Variants in MYO9A observed in about 807,000 individuals in gnomAD.
The protein encoded by MYO9A is unconventional myosin-IXa.
In MYO9A, 103 loss-of-function variants were observed where a neutral mutation model predicts 293.3. That is an observed-to-expected ratio of 0.35 (90% CI 0.30 to 0.41). MYO9A has a LOEUF of 0.41. Ranked by LOEUF, MYO9A falls within the 10% of genes least tolerant of loss-of-function variation. MYO9A has a pLI of 1.00. For synonymous variants in MYO9A, 1,001 were observed against 1,035.7 expected (o/e 0.97, Z 0.64); for missense variants, 2,685 against 3,033.0 (o/e 0.89, Z 2.69).
intron 1 of MYO9A, among the ~76,000 whole-genome samples, chr15:72,088,924 C>G (rs2150552259): frequency 6.6e-6 from 1 of 152,296 alleles, no homozygotes; most frequent in Non-Finnish European, 1.5e-5. Flanking sequence ...CATTTATCCA[C>G]AGTCATCCAG....
At chr15:72,032,462 A>G in intron 3 of MYO9A, 32 bp downstream of exon 3, 1 of 1,382,918 alleles carries the variant, frequency 7.2e-7, no homozygotes, top group South Asian at 1.4e-5. Context: ...AACATGCTCC[A>G]AAGCCTACGC....
intron 21 of MYO9A, among the ~76,000 whole-genome samples, chr15:71,903,393 C>T (rs2057540356): frequency 6.6e-6 from 1 of 152,010 alleles, no homozygotes; most frequent in Non-Finnish European, 1.5e-5. Flanking sequence ...AAAAAGCAAA[C>T]GTGGCAGGAT....
intron 11 of MYO9A, 29 bp from the exon 12 acceptor site, chr15:71,978,321 T>C: frequency 6.4e-7 from 1 of 1,574,372 alleles, no homozygotes; most frequent in Non-Finnish European, 8.6e-7. Context: ...AAAATAACAA[T>C]TTATTCATCT....
chr15:71,898,588 T>C lies in MYO9A; in HGVS notation c.3915A>G (p.Arg1305=), dbSNP rs1026774806. 3.7e-6 allele frequency: 6 copies of C among 1,614,004 alleles called. No homozygotes were observed. Among genetic ancestry groups the C allele is most frequent in the African/African-American group, 1.3e-5 (1 of 74,924 alleles). The part of the protein sequence containing the change: ...LGGISPSEDR[R]WSTELVPEGL... ...CTTCAGGCACCAATTCTGTAGACCA[T>C]CTGCGATCCTCTGAAGGAGAAATAC... The change falls in exon 25 of 42, where the codon AGA becomes AGG. Residue 1305 remains arginine, a synonymous_variant. Transcript: ENST00000356056.
intron 12 of MYO9A, among the ~76,000 whole-genome samples, chr15:71,974,095 C>T (rs976699004): frequency 2.6e-5 from 4 of 151,674 alleles, no homozygotes; most frequent in Non-Finnish European, 5.9e-5. Flanking sequence ...GCTCAGAGTG[C>T]CATTTAAAAA....
At chr15:71,950,554 C>T (rs1172198958) in intron 15 of MYO9A, among the ~76,000 whole-genome samples, 1 of 152,240 alleles carries the variant, frequency 6.6e-6, no homozygotes, top group African/African-American at 2.4e-5. Flanking sequence ...GGATTTGTTA[C>T]ATTCCTCTTA....
chr15:72,024,966 A>T (rs1484807214), intron 4 of MYO9A, among the ~76,000 whole-genome samples: 3 of 152,208 alleles, frequency 2.0e-5, no homozygotes, highest in African/African-American at 7.2e-5. Context: ...AAATGGTATT[A>T]ATAATCCTAC....
At chr15:72,082,794 T>G (rs569477071) in intron 1 of MYO9A, among the ~76,000 whole-genome samples, 4 of 151,430 alleles carry the variant, frequency 2.6e-5, no homozygotes, top group East Asian at 3.9e-4. Context: ...AATCATGTGG[T>G]TTTTTTAGTT....
At chr15:71,973,038 T>C (rs1001235590) in intron 12 of MYO9A, among the ~76,000 whole-genome samples, 3 of 152,186 alleles carry the variant, frequency 2.0e-5, no homozygotes, top group East Asian at 3.9e-4. Context: ...ATAGCTAAAA[T>C]GAAATTTAAA....
intron 1 of MYO9A, among the ~76,000 whole-genome samples, chr15:72,100,472 G>A (rs1330875864): frequency 6.6e-6 from 1 of 151,840 alleles, no homozygotes; most frequent in East Asian, 1.9e-4. Context: ...TCTGGGAGGT[G>A]AGGAGCGTCT....
chr15:72,105,753 G>A (rs181052110), intron 1 of MYO9A, among the ~76,000 whole-genome samples: 5 of 151,928 alleles, frequency 3.3e-5, no homozygotes, highest in South Asian at 2.1e-4. Context: ...GTGATCCACC[G>A]GCCTCGGCCT....
At chr15:72,060,274 A>G (rs954073249) in intron 1 of MYO9A, among the ~76,000 whole-genome samples, 2 of 152,074 alleles carry the variant, frequency 1.3e-5, no homozygotes, top group African/African-American at 4.8e-5. Context: ...GTATGTAGTC[A>G]TGCACTTTGT....
At chr15:72,065,343 C>G (rs2078987692) in intron 1 of MYO9A, among the ~76,000 whole-genome samples, 1 of 151,900 alleles carries the variant, frequency 6.6e-6, no homozygotes, top group Non-Finnish European at 1.5e-5. Flanking sequence ...TGGAGAAACT[C>G]TGTCTCTACT....
intron 1 of MYO9A, among the ~76,000 whole-genome samples, chr15:72,100,024 G>C (rs562997166): frequency 6.6e-6 from 1 of 151,544 alleles, no homozygotes; most frequent in Non-Finnish European, 1.5e-5. Flanking sequence ...TGAGGCAGGC[G>C]GATCACCTGA....
At chr15:71,931,325 A>G (rs1198108199) in intron 18 of MYO9A, among the ~76,000 whole-genome samples, 1 of 152,294 alleles carries the variant, frequency 6.6e-6, no homozygotes, top group East Asian at 1.9e-4. Context: ...TTTGTCTGAG[A>G]AAGTTGTTAT....
chr15:71,973,528 G>A (rs532100406), intron 12 of MYO9A, among the ~76,000 whole-genome samples: 10 of 152,186 alleles, frequency 6.6e-5, no homozygotes, highest in South Asian at 6.2e-4. Flanking sequence ...CACACAGGAC[G>A]TTATTCCCAA....
chr15:71,902,903 C>CA (rs764511058), intron 22 of MYO9A, 38 bp downstream of exon 22: 1 of 1,404,348 alleles, frequency 7.1e-7, no homozygotes, highest in African/African-American at 1.5e-5. Context: ...TAAATAAATG[C>CA]ACTCAATTTT....
intron 1 of MYO9A, among the ~76,000 whole-genome samples, chr15:72,076,206 G>A (rs1439694655): frequency 6.6e-6 from 1 of 151,868 alleles, no homozygotes; most frequent in African/African-American, 2.4e-5. Context: ...TAGGGAGGTT[G>A]AGGCAGGAGA....
intron 23 of MYO9A, 48 bp from the exon 24 acceptor site, chr15:71,900,054 G>GC (rs2057440394): frequency 6.8e-7 from 1 of 1,473,396 alleles, no homozygotes; most frequent in Admixed American, 2.1e-5. Flanking sequence ...ATCTTACACT[G>GC]CATTTTCACA....
Sources: allele counts gnomAD v4.1 joint callset (sites outside exome capture counted in the v4.1 genomes callset), GRCh38; gene constraint gnomAD v4.1.1; transcripts MANE v1.5; gene names NCBI Gene and HGNC (gene_info 2026-07-23, HGNC 2026-07-21).